GATB: variants seen among roughly 807,000 people sequenced by gnomAD.
The protein encoded by GATB is glutamyl-tRNA(Gln) amidotransferase subunit B, mitochondrial.
In GATB, 39 loss-of-function variants were observed where a neutral mutation model predicts 62.3. The observed-to-expected ratio is 0.63, with a 90% confidence interval of 0.48 to 0.82. The LOEUF (loss-of-function observed/expected upper bound fraction) is 0.82, where lower values mean the gene tolerates loss of function less well. Among genes scored for constraint, GATB ranks in the 40% least tolerant of loss-of-function variants. GATB has a pLI of 0.00. For synonymous variants in GATB, 276 were observed against 258.9 expected, an observed-to-expected ratio of 1.07 and a Z score of -0.63; for missense variants, 670 against 684.0, an observed-to-expected ratio of 0.98 and a Z score of 0.23.
chr4:151,739,994 C>G (rs1231353222), intron 2 of GATB, among the ~76,000 whole-genome samples: 1 of 152,222 alleles, frequency 6.6e-6, no homozygotes, highest in African/African-American at 2.4e-5. Context: ...AAGTGAAAAG[C>G]CTGCAGTTTT....
intron 9 of GATB, among the ~76,000 whole-genome samples, chr4:151,692,092 C>T (rs1205595503): frequency 2.0e-5 from 3 of 152,204 alleles, no homozygotes; most frequent in African/African-American, 7.2e-5. Flanking sequence ...CGGTGATGGG[C>T]GCCAGGCACT....
chr4:151,694,621 C>A (rs1332701482), intron 9 of GATB, among the ~76,000 whole-genome samples: 1 of 152,098 alleles, frequency 6.6e-6, no homozygotes, highest in African/African-American at 2.4e-5. Flanking sequence ...AAATATGGTG[C>A]CTGATGATGT....
intron 12 of GATB, among the ~76,000 whole-genome samples, chr4:151,671,588 C>T (rs925894709): frequency 2.0e-5 from 3 of 152,040 alleles, no homozygotes; most frequent in African/African-American, 2.4e-5. Flanking sequence ...CTCCCCTCTG[C>T]GACGCCACAA....
Position 151,703,859 on chromosome 4 carries a change from C to T in GATB, c.999G>A (p.Gln333=), listed in dbSNP as rs1461446573. 24 of 1,601,548 alleles carry T rather than the reference C, an allele frequency of 1.5e-5. No individual in the cohort carries two copies. The highest frequency in any genetic ancestry group is 5.1e-6 in the Non-Finnish European group (6 of 1,168,682). The part of the protein sequence containing the change: ...TMSMRDKEGK[Q]DYRFMPEPNL... ...CCATAAGGAGTAACCACCTGTAGTC[C>T]TGTTTTCCTTCTTTGTCTCTCATTG... Residue 333 remains glutamine (Q), a synonymous_variant, in exon 8 of 13, where the codon CAG becomes CAA. Coordinates refer to ENST00000263985, the MANE Select transcript of GATB (RefSeq NM_004564.3).
chr4:151,704,686 C>T (rs906469261), intron 7 of GATB, among the ~76,000 whole-genome samples: 1 of 151,710 alleles, frequency 6.6e-6, no homozygotes, highest in Non-Finnish European at 1.5e-5. Context: ...ATCTCCTGAC[C>T]TCGTGATCCG....
At chr4:151,697,512 G>A (rs181043982) in intron 9 of GATB, among the ~76,000 whole-genome samples, 370 of 151,962 alleles carry the variant, frequency 2.4e-3, no homozygotes, top group African/African-American at 8.5e-3. Flanking sequence ...TACTTACTGG[G>A]TATGATGTAT....
chr4:151,735,661 C>G (rs769793918), intron 2 of GATB, among the ~76,000 whole-genome samples: 13 of 149,304 alleles, frequency 8.7e-5, no homozygotes, highest in Non-Finnish European at 1.9e-4. Flanking sequence ...TTTATAGCAG[C>G]ACAATTCACA....
chr4:151,679,678 T>C, intron 11 of GATB, 135 bp downstream of exon 11: 1 of 769,028 alleles, frequency 1.3e-6, no homozygotes, highest in Non-Finnish European at 2.3e-6. Context: ...GTTTCTACCT[T>C]TCAGCATTAA....
chr4:151,729,254 C>T (rs1560859058), intron 2 of GATB, among the ~76,000 whole-genome samples: 1 of 151,792 alleles, frequency 6.6e-6, no homozygotes, highest in Non-Finnish European at 1.5e-5. Context: ...AATAGCTGGC[C>T]TGGGCATTTC....
chr4:151,697,857 G>A (rs919317661), intron 9 of GATB, among the ~76,000 whole-genome samples: 11 of 147,808 alleles, frequency 7.4e-5, no homozygotes, highest in South Asian at 2.1e-4. Flanking sequence ...CCAAGATGGC[G>A]CCACTGCACT....
chr4:151,749,422 A>C (rs1223596213), intron 2 of GATB, among the ~76,000 whole-genome samples: 2 of 151,132 alleles, frequency 1.3e-5, no homozygotes, highest in Admixed American at 1.3e-4. Context: ...AGAAAACCAA[A>C]CACCACATGT....
chr4:151,731,759 C>T (rs1246405622), intron 2 of GATB, among the ~76,000 whole-genome samples: 4 of 151,374 alleles, frequency 2.6e-5, no homozygotes, highest in Admixed American at 6.6e-5. Context: ...CGTCTCTGCC[C>T]GGCTGTGACC....
intron 9 of GATB, among the ~76,000 whole-genome samples, chr4:151,699,920 G>C (rs1387963965): frequency 6.6e-6 from 1 of 152,182 alleles, no homozygotes; most frequent in Admixed American, 6.5e-5. Flanking sequence ...TGAGTGGAGG[G>C]AGGTAACTTA....
intron 2 of GATB, chr4:151,721,850 C>T (rs1352673207): frequency 4.0e-6 from 1 of 251,420 alleles, no homozygotes; most frequent in East Asian, 8.9e-5. Flanking sequence ...AGTTGAGGAC[C>T]ATCACAGACT....
chr4:151,728,300 T>A (rs983322988), intron 2 of GATB, among the ~76,000 whole-genome samples: 1 of 152,238 alleles, frequency 6.6e-6, no homozygotes, highest in Non-Finnish European at 1.5e-5. Context: ...CATCTGTAAC[T>A]TCCTGTCTTC....
At chr4:151,725,015 T>A (rs746629409) in intron 2 of GATB, among the ~76,000 whole-genome samples, 77 of 152,204 alleles carry the variant, frequency 5.1e-4, no homozygotes, top group Non-Finnish European at 1.0e-3. Flanking sequence ...GAGGCTTTAT[T>A]ACACATGAGA....
At position 151,741,254 on chromosome 4, in the gene GATB, T is replaced by C. The variant is rs148671679; in HGVS notation, c.327+17518A>G. Among the ~76,000 whole-genome samples, 6 of 152,360 alleles carry C rather than the reference T, an allele frequency of 3.9e-5. No homozygotes were observed. In the East Asian group the frequency reaches 1.2e-3, roughly 29 times the overall value. ...CAAAGTTATATGAATGTGGTCTCTCTCAAAATATCTTATTCTCCTGTACTG... is the reference window on the plus strand; with the variant it reads ...CAAAGTTATATGAATGTGGTCTCTCCCAAAATATCTTATTCTCCTGTACTG... On this transcript the variant is annotated intron_variant, in intron 2 of 12. Coordinates refer to ENST00000263985, the MANE Select transcript of GATB (RefSeq NM_004564.3).
intron 2 of GATB, among the ~76,000 whole-genome samples, chr4:151,728,265 TC>T (rs1739176149): frequency 6.6e-6 from 1 of 152,200 alleles, no homozygotes; most frequent in Non-Finnish European, 1.5e-5. Flanking sequence ...CAATTTTTAC[TC>T]CCATCTCATT....
chr4:151,722,481 C>T, intron 2 of GATB: 1 of 434,702 alleles, frequency 2.3e-6, no homozygotes. Flanking sequence ...CTCCTGCCTA[C>T]ATCTTCAATT....
Sources: allele counts gnomAD v4.1 joint callset (sites outside exome capture counted in the v4.1 genomes callset), GRCh38; gene constraint gnomAD v4.1.1; transcripts MANE v1.5; gene names NCBI Gene and HGNC (gene_info 2026-07-23, HGNC 2026-07-21).